XAF1: variants seen among roughly 807,000 people sequenced by gnomAD.
The protein encoded by XAF1 is XIAP associated factor 1.
Under a neutral mutation model 32.3 loss-of-function variants are expected in XAF1, and 32 were observed. The ratio of observed to expected loss-of-function variants is 0.99; its 90% confidence interval spans 0.75 to 1.33. The LOEUF (loss-of-function observed/expected upper bound fraction) is 1.33. XAF1 is among the 40% of genes most tolerant of loss of function. The probability of loss-of-function intolerance (pLI) is 0.00; values close to 1 mark genes in which losing one functional copy is unlikely to be tolerated. For synonymous variants in XAF1, 120 were observed against 125.9 expected (o/e 0.95, Z 0.31); for missense variants, 379 against 366.0 (o/e 1.04, Z -0.29).
intron 2 of XAF1, 24 bp downstream of exon 2, chr17:6,758,248 G>C: frequency 6.2e-7 from 1 of 1,610,234 alleles, no homozygotes. Flanking sequence ...AGGGAGGATG[G>C]GGTCTGAGAG....
At chr17:6,768,639 C>G (rs1975796780) in intron 5 of XAF1, among the ~76,000 whole-genome samples, 2 of 152,152 alleles carry the variant, frequency 1.3e-5, no homozygotes, top group Non-Finnish European at 1.5e-5. Context: ...AGATTAACAG[C>G]TATTTTCTCT....
intron 1 of XAF1, among the ~76,000 whole-genome samples, chr17:6,756,615 C>T (rs1272698959): frequency 1.3e-5 from 2 of 152,154 alleles, no homozygotes; most frequent in Non-Finnish European, 2.9e-5. Context: ...TCAAAAAGCC[C>T]CATTCTCAAA....
chr17:6,762,298 G>C, intron 5 of XAF1, 58 bp downstream of exon 5: 1 of 1,453,318 alleles, frequency 6.9e-7, no homozygotes, highest in Non-Finnish European at 9.3e-7. Flanking sequence ...ATTCTGAAAA[G>C]TGTGATAGGA....
chr17:6,768,652 T>C (rs1235466031), intron 5 of XAF1, among the ~76,000 whole-genome samples: 2 of 152,242 alleles, frequency 1.3e-5, no homozygotes, highest in Non-Finnish European at 2.9e-5. Flanking sequence ...TTTTCTCTTA[T>C]CATTTTGAAG....
At chr17:6,764,545 T>C (rs1321142676) in intron 5 of XAF1, among the ~76,000 whole-genome samples, 2 of 151,816 alleles carry the variant, frequency 1.3e-5, no homozygotes, top group African/African-American at 4.9e-5. Flanking sequence ...AATATTTATA[T>C]ATCAATGGCC....
At chr17:6,758,464 G>A (rs982215195) in intron 2 of XAF1, 2 of 597,770 alleles carry the variant, frequency 3.3e-6, no homozygotes, top group Non-Finnish European at 5.8e-6. Context: ...CAAGGCAAGT[G>A]TTCAGTCCTC....
chr17:6,756,006 T>A, upstream of XAF1: 1 of 1,611,516 alleles, frequency 6.2e-7, no homozygotes, highest in Non-Finnish European at 8.5e-7. Context: ...GGCTGGGCCA[T>A]CGGAAAACTT....
intron 4 of XAF1, chr17:6,761,848 G>T (rs1349297459): frequency 2.9e-6 from 4 of 1,395,218 alleles, no homozygotes; most frequent in Middle Eastern, 3.8e-4. Flanking sequence ...AATGGAGGGG[G>T]TTGGCATCCG....
chr17:6,767,258 T>C (rs745671655), intron 5 of XAF1, among the ~76,000 whole-genome samples: 4 of 152,182 alleles, frequency 2.6e-5, no homozygotes, highest in Admixed American at 2.6e-4. Flanking sequence ...AGAAAGTTAA[T>C]ACAATAAACA....
At chr17:6,769,948 C>G (rs1477837929) in intron 5 of XAF1, among the ~76,000 whole-genome samples, 1 of 152,190 alleles carries the variant, frequency 6.6e-6, no homozygotes, top group Non-Finnish European at 1.5e-5. Context: ...CTCTTACCCA[C>G]CATAATTTAT....
At position 6,773,137 on chromosome 17, in the gene XAF1, T is replaced by C; in HGVS notation, c.874T>C (p.Ser292Pro). 1 of 1,606,056 alleles carries C rather than the reference T, an allele frequency of 6.2e-7. No homozygotes were observed. The highest frequency in any genetic ancestry group is 8.5e-7 in the Non-Finnish European group (1 of 1,177,750). ...HQEKCRWLAS[S>P]KGKQVRNFS is the part of the protein sequence containing the mutation. ...GGAGAAATGCCGGTGGTTAGCTTCA[T>C]CAAAAGGAAAACAAGTGAGAAATTT... is the stretch of plus-strand genomic sequence containing the variant. Residue 292 changes from serine to proline, a missense_variant, in exon 7 of 7, where the codon TCA (serine) becomes CCA (proline). By Grantham distance (74) the Ser-to-Pro change is moderately conservative. Coordinates refer to ENST00000361842, the MANE Select transcript of XAF1 (RefSeq NM_017523.5).
At chr17:6,769,366 T>C in intron 5 of XAF1, among the ~76,000 whole-genome samples, 1 of 152,170 alleles carries the variant, frequency 6.6e-6, no homozygotes, top group Admixed American at 6.5e-5. Flanking sequence ...CCACAATGTA[T>C]ATATATATTA....
At chr17:6,759,496 G>A (rs1975000668) in intron 2 of XAF1, 166 bp from the exon 3 acceptor site, 2 of 1,454,710 alleles carry the variant, frequency 1.4e-6, no homozygotes, top group Middle Eastern at 2.5e-4. Flanking sequence ...TGAACACTGG[G>A]CGGGGTGCTA....
chr17:6,759,397 A>T, intron 2 of XAF1: 1 of 1,372,598 alleles, frequency 7.3e-7, no homozygotes, highest in Non-Finnish European at 9.4e-7. Flanking sequence ...TTCCATGTCC[A>T]TTCCTCCTGG....
chr17:6,756,400 C>T (rs1035240361), intron 1 of XAF1: 2 of 777,290 alleles, frequency 2.6e-6, no homozygotes, highest in Non-Finnish European at 3.7e-6. Flanking sequence ...AACTGGGCTA[C>T]TCATACTTGT....
chr17:6,760,630 G>A, intron 4 of XAF1, 29 bp downstream of exon 4: 1 of 1,589,454 alleles, frequency 6.3e-7, no homozygotes, highest in Non-Finnish European at 8.6e-7. Flanking sequence ...GTGGAAGAGA[G>A]ACGTTCCAAG....
chr17:6,773,039 A>G, intron 6 of XAF1, 74 bp from the exon 7 acceptor site: 1 of 1,297,172 alleles, frequency 7.7e-7, no homozygotes. Context: ...AGGGACAGCA[A>G]TATCCAGAGA....
chr17:6,765,833 A>G (rs965093052), intron 5 of XAF1, among the ~76,000 whole-genome samples: 1 of 152,234 alleles, frequency 6.6e-6, no homozygotes, highest in African/African-American at 2.4e-5. Flanking sequence ...TCCCTTAAAA[A>G]TACAAGTCAG....
At chr17:6,772,465 C>A (rs916976093) in intron 6 of XAF1, among the ~76,000 whole-genome samples, 6 of 94,176 alleles carry the variant, frequency 6.4e-5, no homozygotes, top group Admixed American at 1.3e-4. Flanking sequence ...AAGCTGCCAT[C>A]TTTTTTTTTT....
Sources: allele counts gnomAD v4.1 joint callset (sites outside exome capture counted in the v4.1 genomes callset), GRCh38; gene constraint gnomAD v4.1.1; transcripts MANE v1.5; gene names NCBI Gene and HGNC (gene_info 2026-07-23, HGNC 2026-07-21).